ACVR2A: variants seen among roughly 807,000 people sequenced by gnomAD.
ACVR2A encodes activin A receptor type 2A.
In ACVR2A, 7 loss-of-function variants were observed where a neutral mutation model predicts 61.4. The observed-to-expected ratio is 0.11, with a 90% confidence interval of 0.06 to 0.21. The LOEUF is 0.21. ACVR2A is among the 10% of genes least tolerant of loss of function. The pLI, the probability that ACVR2A is intolerant of heterozygous loss-of-function variation, is 1.00. For synonymous variants in ACVR2A, 193 were observed against 208.3 expected, an observed-to-expected ratio of 0.93 and a Z score of 0.63; for missense variants, 322 against 621.7, an observed-to-expected ratio of 0.52 and a Z score of 5.13.
intron 1 of ACVR2A, among the ~76,000 whole-genome samples, chr2:147,860,461 T>A (rs1049202028): frequency 5.3e-5 from 8 of 152,144 alleles, no homozygotes; most frequent in Non-Finnish European, 1.2e-4. Context: ...TAGTTCTTTT[T>A]AAAGTTATAT....
At position 147,867,219 on chromosome 2, in the gene ACVR2A, A is replaced by G. The variant is rs182455665; in HGVS notation, c.55+22012A>G. On this transcript the variant is annotated intron_variant, in intron 1 of 10. Transcript: ENST00000241416. The stretch of plus-strand genomic sequence containing the variant: ...GTAGGAGATGAGTAGTGAAATGTAG[A>G]TGAGGAAGTGGTTTCAGCTGTGGTC... 3.2e-3 allele frequency among the ~76,000 whole-genome samples: 487 copies of G among 152,262 alleles called. 2 individuals carry two copies. Among genetic ancestry groups the G allele is most frequent in the South Asian group, 8.9e-3 (43 of 4,816 alleles).
chr2:147,858,502 G>A (rs1220224419), intron 1 of ACVR2A, among the ~76,000 whole-genome samples: 1 of 152,016 alleles, frequency 6.6e-6, no homozygotes, highest in African/African-American at 2.4e-5. Flanking sequence ...TGGCCCTCTG[G>A]TAGTTCCTAC....
At chr2:147,887,669 G>T (rs1686475361) in intron 1 of ACVR2A, among the ~76,000 whole-genome samples, 1 of 151,784 alleles carries the variant, frequency 6.6e-6, no homozygotes, top group Non-Finnish European at 1.5e-5. Context: ...ATATGTTGTG[G>T]GATGGCTAAA....
rs137956229 is a variant in ACVR2A at position 147,874,799 on chromosome 2, C to T, written c.56-21502C>T. ...TAATAATACCTATTCCTGTTTACAA[C>T]GTAGGATTGTTGTGGGGGATGAAAT... On this transcript the variant is annotated intron_variant, in intron 1 of 10. Transcript: ENST00000241416. Among the ~76,000 whole-genome samples, 41 of 151,908 alleles carry T rather than the reference C, an allele frequency of 2.7e-4. No individual in the cohort carries two copies. The East Asian group carries it at 7.0e-3, about 26-fold the overall frequency.
At position 147,929,136 on chromosome 2, in the gene ACVR2A, C is replaced by G. The variant is rs1320722387; in HGVS notation, c.*1862C>G. ...TAGCGTCTGTGTGCTGCAGACCATT[C>G]AGAACTGTCACGTGTGTCCCCATGG... On this transcript the variant is annotated 3_prime_UTR_variant, in exon 11 of 11. Coordinates refer to ENST00000241416, the MANE Select transcript of ACVR2A (RefSeq NM_001616.5). 1.3e-5 allele frequency: 2 copies of G among 152,302 alleles called. No individual in the cohort carries two copies. The highest frequency in any genetic ancestry group is 2.9e-5 in the Non-Finnish European group (2 of 67,952). The allele number at this position is 152,302 out of a possible 1,614,324, so 9.4% of individuals were successfully genotyped here.
At chr2:147,921,030 T>TTTTA (rs930505332) in intron 8 of ACVR2A, among the ~76,000 whole-genome samples, 6 of 151,994 alleles carry the variant, frequency 3.9e-5, no homozygotes, top group Non-Finnish European at 4.4e-5. Flanking sequence ...CACCTTTTAT[T>TTTTA]TTTATTTATT....
chr2:147,921,460 A>G (rs939235793), intron 8 of ACVR2A, among the ~76,000 whole-genome samples: 2 of 152,050 alleles, frequency 1.3e-5, no homozygotes, highest in Non-Finnish European at 2.9e-5. Context: ...TATTTGGCCA[A>G]CTAATTCTTA....
intron 1 of ACVR2A, among the ~76,000 whole-genome samples, chr2:147,890,165 C>G (rs1241343233): frequency 2.0e-5 from 3 of 151,994 alleles, no homozygotes; most frequent in Admixed American, 6.6e-5. Flanking sequence ...TGCAGAAAAA[C>G]AAAAACAACA....
intron 4 of ACVR2A, among the ~76,000 whole-genome samples, chr2:147,904,956 A>G (rs960655359): frequency 6.6e-5 from 10 of 152,024 alleles, no homozygotes; most frequent in Non-Finnish European, 1.5e-4. Context: ...TAGGTTGACT[A>G]CTGATTGGAG....
At chr2:147,872,239 C>T (rs1686039793) in intron 1 of ACVR2A, among the ~76,000 whole-genome samples, 1 of 151,918 alleles carries the variant, frequency 6.6e-6, no homozygotes. Flanking sequence ...GTATGTAAAG[C>T]CCAATTAAAA....
At chr2:147,851,120 T>C (rs2105131488) in intron 1 of ACVR2A, among the ~76,000 whole-genome samples, 1 of 152,290 alleles carries the variant, frequency 6.6e-6, no homozygotes, top group African/African-American at 2.4e-5. Context: ...GCATAGCTGC[T>C]GGAGTGATCT....
chr2:147,915,618 T>A (rs1469897392), intron 5 of ACVR2A, among the ~76,000 whole-genome samples: 1 of 151,910 alleles, frequency 6.6e-6, no homozygotes, highest in African/African-American at 2.4e-5. Context: ...AAGATTCCAA[T>A]AAACAAGTCT....
chr2:147,902,426 T>C (rs1686891321), intron 4 of ACVR2A, among the ~76,000 whole-genome samples: 1 of 152,038 alleles, frequency 6.6e-6, no homozygotes, highest in African/African-American at 2.4e-5. Flanking sequence ...AGTAAACTTT[T>C]CTGCCATCTC....
chr2:147,869,461 G>C (rs1252615698), intron 1 of ACVR2A, among the ~76,000 whole-genome samples: 1 of 152,160 alleles, frequency 6.6e-6, no homozygotes, highest in Non-Finnish European at 1.5e-5. Context: ...GTTGTGGAAG[G>C]AAATCCAGGG....
At chr2:147,897,923 G>A (rs1686780873) in intron 2 of ACVR2A, among the ~76,000 whole-genome samples, 1 of 152,058 alleles carries the variant, frequency 6.6e-6, no homozygotes, top group Admixed American at 6.6e-5. Flanking sequence ...AAGAAATTGG[G>A]GAAAAATGAG....
chr2:147,884,003 T>A (rs1165918017), intron 1 of ACVR2A, among the ~76,000 whole-genome samples: 2 of 152,188 alleles, frequency 1.3e-5, no homozygotes, highest in African/African-American at 4.8e-5. Flanking sequence ...GTAGGTAGTG[T>A]CTTTTCAGTG....
Position 147,928,907 on chromosome 2 carries a change from C to A in ACVR2A, c.*1633C>A, listed in dbSNP as rs1687579149. 1 of 152,398 alleles carries A rather than the reference C, an allele frequency of 6.6e-6. No homozygotes were observed. The highest frequency in any genetic ancestry group is 1.5e-5 in the Non-Finnish European group (1 of 67,956). 9.4% of individuals were successfully genotyped at this position (152,398 alleles called of 1,614,324 possible). On this transcript the variant is annotated 3_prime_UTR_variant, in exon 11 of 11. Coordinates refer to ENST00000241416, the MANE Select transcript of ACVR2A (RefSeq NM_001616.5). ...TATTTCTGTCAGGTCATTTTAAAATCCATGTTAATTTTATAAAAGAATTTT... is the reference window on the plus strand; with the variant it reads ...TATTTCTGTCAGGTCATTTTAAAATACATGTTAATTTTATAAAAGAATTTT...
At position 147,918,642 on chromosome 2, in the gene ACVR2A, A is replaced by G. The variant is rs886865154; in HGVS notation, c.962+50A>G. 111 of 1,503,770 alleles carry G rather than the reference A, an allele frequency of 7.4e-5. 1 individual carries two copies. The highest frequency in any genetic ancestry group is 9.5e-5 in the Non-Finnish European group (107 of 1,120,420). 93.2% of individuals were successfully genotyped at this position (1,503,770 alleles called of 1,614,324 possible). ...CCAGATAATTGAGTATATATTTACT[A>G]AACTTTTAAGCCCCTGGGTAAATTT... On this transcript the variant is annotated intron_variant, in intron 7 of 10. Coordinates refer to ENST00000241416, the MANE Select transcript of ACVR2A (RefSeq NM_001616.5).
At chr2:147,887,999 A>G (rs1291818881) in intron 1 of ACVR2A, among the ~76,000 whole-genome samples, 2 of 152,198 alleles carry the variant, frequency 1.3e-5, no homozygotes, top group African/African-American at 2.4e-5. Context: ...CTACTGGGAT[A>G]ATAGAGTGAG....
Sources: gnomAD v4.1 joint callset for allele counts (sites outside exome capture counted in the v4.1 genomes callset) on GRCh38, gnomAD v4.1.1 for gene constraint, MANE v1.5 for transcripts, NCBI Gene and HGNC (gene_info 2026-07-23, HGNC 2026-07-21) for gene names.